The following DUSP11 variants were observed in gnomAD, a reference collection of about 807,000 sequenced individuals.
DUSP11 encodes the protein RNA/RNP complex-1-interacting phosphatase.
In DUSP11, 27 loss-of-function variants were observed where a neutral mutation model predicts 41.4. The observed-to-expected ratio is 0.65, with a 90% CI of 0.48 to 0.90. DUSP11 has a LOEUF of 0.90. Ranked by LOEUF, DUSP11 falls within the 40% of genes least tolerant of loss-of-function variation. The pLI is 0.00. For synonymous variants in DUSP11, 188 were observed against 159.3 expected, an observed-to-expected ratio of 1.18 and a Z score of -1.35; for missense variants, 465 against 461.1, an observed-to-expected ratio of 1.01 and a Z score of -0.08.
At chr2:73,768,123 C>A (rs771594734) in intron 5 of DUSP11, 1 of 152,240 alleles carries the variant, frequency 6.6e-6, no homozygotes, top group Non-Finnish European at 1.5e-5. Flanking sequence ...CTGATCCTTA[C>A]GTTCAGAATT....
Position 73,762,845 on chromosome 2 carries a change from T to TTC in DUSP11, c.948_949dup (p.Asn317ArgfsTer30). On this transcript the variant is annotated frameshift_variant, in exon 9 of 9. Coordinates refer to ENST00000272444, the Ensembl canonical transcript of DUSP11. LOFTEE classifies it low-confidence loss of function (END_TRUNC). ...ATGGTGTCTCTGGTAAACATGTGGATTCTCTGAAAATTTTCTTAAAGCAAA... is the reference window on the plus strand; with the variant it reads ...ATGGTGTCTCTGGTAAACATGTGGATTCTCTCTGAAAATTTTCTTAAAGCAAA... 6.3e-7 allele frequency: 1 copy of TTC among 1,577,810 alleles called. No homozygotes were observed. Among genetic ancestry groups the TTC allele is most frequent in the Non-Finnish European group, 8.6e-7 (1 of 1,161,266 alleles).
At chr2:73,770,616 A>G (rs1361027979) in intron 4 of DUSP11, among the ~76,000 whole-genome samples, 2 of 152,122 alleles carry the variant, frequency 1.3e-5, no homozygotes, top group South Asian at 2.1e-4. Flanking sequence ...GATCCTCCAT[A>G]TGGCAGATGT....
exon 4 of DUSP11, chr2:73,773,804 A>G (rs1284339915): frequency 6.2e-7 from 1 of 1,605,300 alleles, no homozygotes; most frequent in South Asian, 1.1e-5. Flanking sequence ...ACTCACCATT[A>G]TCTTTATTTT....
intron 8 of DUSP11, among the ~76,000 whole-genome samples, chr2:73,764,974 A>G (rs953613925): frequency 6.6e-6 from 1 of 152,192 alleles, no homozygotes; most frequent in Non-Finnish European, 1.5e-5. Context: ...ACCAAAAAAA[A>G]AGCAAACAAA....
chr2:73,766,435 A>T (rs1027295210), exon 8 of DUSP11: 1 of 1,610,938 alleles, frequency 6.2e-7, no homozygotes. Flanking sequence ...ATTGTTGCAA[A>T]CTTTGGGTCT....
intron 8 of DUSP11, 65 bp from the exon 9 acceptor site, chr2:73,762,924 A>T: frequency 1.5e-6 from 1 of 664,102 alleles, no homozygotes; most frequent in Non-Finnish European, 2.2e-6. Flanking sequence ...TATTTATTTT[A>T]AATTTATATT....
chr2:73,762,557 G>A (rs1672384445), exon 9 of DUSP11: 4 of 827,166 alleles, frequency 4.8e-6, no homozygotes, highest in South Asian at 5.1e-5. Context: ...GAATACATAA[G>A]GGAACAATAA....
At chr2:73,766,848 A>G in exon 7 of DUSP11, 3 of 1,612,996 alleles carry the variant, frequency 1.9e-6, no homozygotes, top group Non-Finnish European at 2.5e-6. Context: ...GACCATTCTG[A>G]AGGTCTTCAA....
chr2:73,774,929 C>A, exon 3 of DUSP11: 2 of 1,594,194 alleles, frequency 1.3e-6, no homozygotes, highest in Non-Finnish European at 1.7e-6. Flanking sequence ...TTTATAATAG[C>A]GTTGAGTATA....
At chr2:73,767,297 T>C (rs1672483746) in intron 5 of DUSP11, 90 bp from the exon 6 acceptor site, 6 of 934,764 alleles carry the variant, frequency 6.4e-6, no homozygotes, top group South Asian at 4.2e-5. Context: ...CTTATAGACA[T>C]AGATATAAAA....
intron 5 of DUSP11, chr2:73,768,680 G>A: frequency 3.0e-6 from 3 of 985,462 alleles, no homozygotes; most frequent in Non-Finnish European, 3.6e-6. Context: ...AGTCTGGCCA[G>A]GCGCGGTGGC....
chr2:73,769,316 A>G (rs758312868), exon 5 of DUSP11: 18 of 1,612,646 alleles, frequency 1.1e-5, no homozygotes, highest in Non-Finnish European at 1.4e-5. Context: ...GTGGACACCA[A>G]TAAGTTTATC....
chr2:73,773,651 C>T (rs1381692326), intron 4 of DUSP11, 149 bp downstream of exon 4: 5 of 787,842 alleles, frequency 6.3e-6, no homozygotes, highest in African/African-American at 3.5e-5. Flanking sequence ...AAAGGAAAAA[C>T]ATCTTACCCT....
Position 73,762,867 on chromosome 2 carries a change from CA to C in DUSP11, c.936-9del. On this transcript the variant is annotated splice_polypyrimidine_tract_variant and intron_variant, in intron 8 of 8. Transcript: ENST00000272444. ...GGATTCTCTGAAAATTTTCTTAAAG[CA>C]AAACAAAAAGTAATAAGCCATTACT... The C allele has an allele frequency of 6.5e-7, 1 of 1,534,630 alleles. No homozygotes were observed. Among genetic ancestry groups the C allele is most frequent in the Non-Finnish European group, 8.8e-7 (1 of 1,134,400 alleles).
chr2:73,773,507 T>C (rs982168258), intron 4 of DUSP11: 3 of 360,080 alleles, frequency 8.3e-6, no homozygotes, highest in East Asian at 8.8e-5. Flanking sequence ...TCTTAACCAA[T>C]ATAGAAGACA....
intron 8 of DUSP11, among the ~76,000 whole-genome samples, chr2:73,765,522 C>T (rs1192511586): frequency 6.6e-6 from 1 of 152,036 alleles, no homozygotes; most frequent in Non-Finnish European, 1.5e-5. Flanking sequence ...AGCTGATACC[C>T]CGAATAAAAA....
Position 73,773,928 on chromosome 2 carries a change from A to G in DUSP11, c.451-5T>C. The G allele has an allele frequency of 3.8e-6, 6 of 1,575,504 alleles. No individual in the cohort carries two copies. The highest frequency in any genetic ancestry group is 5.2e-6 in the Non-Finnish European group (6 of 1,156,622). On this transcript the variant is annotated splice_region_variant and splice_polypyrimidine_tract_variant and intron_variant, in intron 3 of 8. Transcript: ENST00000272444. Reference sequence around the variant, plus strand: ...AGGAACAGTTTCTGGCAAATCCTATAAAGCAAAACCATAAAAGATGTGTAT... The same window carrying G: ...AGGAACAGTTTCTGGCAAATCCTATGAAGCAAAACCATAAAAGATGTGTAT...
Position 73,779,871 on chromosome 2 carries a change from T to C in DUSP11, c.242+3A>G, listed in dbSNP as rs756660689. On this transcript the variant is annotated splice_donor_region_variant and intron_variant, in intron 1 of 8. Coordinates refer to ENST00000272444, the Ensembl canonical transcript of DUSP11. ...GCCACGCCAAGGGACCAAGACATAC[T>C]ACCTTTCGGGGATGTGGTTTCCGCC... 3 of 1,613,972 alleles carry C rather than the reference T, an allele frequency of 1.9e-6. No homozygotes were observed. The highest frequency in any genetic ancestry group is 2.5e-6 in the Non-Finnish European group (3 of 1,179,982).
intron 8 of DUSP11, 113 bp downstream of exon 8, chr2:73,766,305 T>C (rs1672459082): frequency 2.1e-6 from 2 of 965,820 alleles, no homozygotes; most frequent in Admixed American, 3.5e-5. Flanking sequence ...CGAGACTCTG[T>C]CTCCAAAAAA....
Sources: allele counts gnomAD v4.1 joint callset (sites outside exome capture counted in the v4.1 genomes callset), GRCh38; gene constraint gnomAD v4.1.1; transcripts MANE v1.5; gene names NCBI Gene and HGNC (gene_info 2026-07-23, HGNC 2026-07-21).